Variants in KLF8 observed in about 807,000 individuals in gnomAD.
KLF8 encodes KLF transcription factor 8.
In KLF8, 10 loss-of-function variants were observed where a neutral mutation model predicts 18.2. That is an observed-to-expected ratio of 0.55 (90% CI 0.34 to 0.93). The LOEUF is 0.93. KLF8 is among the 40% of genes least tolerant of loss of function. The pLI is 0.02. For missense variants in KLF8, 264 were observed against 277.9 expected (o/e 0.95, Z 0.36); for synonymous variants, 109 against 97.3 (o/e 1.12, Z -0.71).
chrX:55,924,942 G>A, the KLF8 span, among the ~76,000 whole-genome samples: 1 of 86,020 alleles, frequency 1.2e-5, no homozygotes, highest in Non-Finnish European at 2.1e-5. Flanking sequence ...TGCAACCTCC[G>A]CCTCCCGGGT....
In KLF8 at chrX:56,265,582, A is replaced by G; in HGVS notation, c.484A>G (p.Thr162Ala). 8.3e-7 allele frequency: 1 copy of G among 1,211,726 alleles called. No homozygotes were observed. Among genetic ancestry groups the G allele is most frequent in the Non-Finnish European group, 1.1e-6 (1 of 895,447 alleles). Residue 162 changes from threonine (T) to alanine (A), a missense_variant, in exon 3 of 6, where the codon ACT becomes GCT. Physicochemically the swap from Thr to Ala is moderately conservative, Grantham distance 58 (BLOSUM62 0). This residue lies in a region of KLF8 where 221 missense variants were observed against 193.6 expected (regional missense o/e 1.14). Coordinates refer to ENST00000468660, the MANE Select transcript of KLF8 (RefSeq NM_007250.5). ...CCAGCAGATCTTACATGTCATTCAC[A>G]CTATCCCCTCAGTCAGTCTGCCAAA... Reference protein sequence around the residue: ...GSQQILHVIHTIPSVSLPNKM... With the variant: ...GSQQILHVIHAIPSVSLPNKM...
the KLF8 span, among the ~76,000 whole-genome samples, chrX:56,069,546 C>T: frequency 8.9e-5 from 10 of 112,206 alleles, no homozygotes; most frequent in African/African-American, 1.9e-4. Flanking sequence ...CCCACCCACC[C>T]CCACTGCTGG....
the KLF8 span, among the ~76,000 whole-genome samples, chrX:56,055,998 C>T: frequency 5.4e-5 from 6 of 111,163 alleles, no homozygotes; most frequent in South Asian, 3.7e-4. Context: ...TATATAGATT[C>T]GGTTTTGATG....
chrX:55,966,116 G>A, the KLF8 span, among the ~76,000 whole-genome samples: 1 of 112,485 alleles, frequency 8.9e-6, no homozygotes, highest in African/African-American at 3.2e-5. Context: ...CTTAGCTGCA[G>A]TAGAAAACAG....
chrX:56,117,044 G>A, the KLF8 span, among the ~76,000 whole-genome samples: 3 of 110,631 alleles, frequency 2.7e-5, no homozygotes, highest in Non-Finnish European at 3.8e-5. Context: ...GGGAGACTGA[G>A]ATGGGAGGAT....
At chrX:56,224,017 T>C in the KLF8 span, among the ~76,000 whole-genome samples, 1 of 111,200 alleles carries the variant, frequency 9.0e-6, no homozygotes, top group Non-Finnish European at 1.9e-5. Context: ...GCTATCCTCC[T>C]GCCTCTGCCT....
the KLF8 span, among the ~76,000 whole-genome samples, chrX:56,150,343 C>T: frequency 1.8e-5 from 2 of 111,548 alleles, no homozygotes; most frequent in African/African-American, 3.3e-5. Flanking sequence ...CTTAGCCCAC[C>T]ACAACCCACT....
At chrX:56,254,157 G>A (rs1468672277) in intron 2 of KLF8, among the ~76,000 whole-genome samples, 1 of 111,879 alleles carries the variant, frequency 8.9e-6, no homozygotes, top group African/African-American at 3.3e-5. Context: ...TATTGAATCT[G>A]TATTGTGTTT....
the KLF8 span, among the ~76,000 whole-genome samples, chrX:56,158,945 G>A: frequency 9.0e-6 from 1 of 111,591 alleles, no homozygotes; most frequent in Admixed American, 9.5e-5. Flanking sequence ...TGGTGAGAGA[G>A]GGCATCCCTG....
chrX:55,926,575 A>C, the KLF8 span, among the ~76,000 whole-genome samples: 1 of 111,087 alleles, frequency 9.0e-6, no homozygotes, highest in African/African-American at 3.3e-5. Context: ...GGAATATGAT[A>C]ATTTACTTTG....
the KLF8 span, among the ~76,000 whole-genome samples, chrX:56,164,727 CTCTT>C: frequency 1.8e-4 from 4 of 21,687 alleles, no homozygotes; most frequent in Non-Finnish European, 2.6e-4. Flanking sequence ...TTCTTGTTAT[CTCTT>C]TTTTTTTTTT....
chrX:56,087,264 T>G, the KLF8 span, among the ~76,000 whole-genome samples: 3 of 110,706 alleles, frequency 2.7e-5, no homozygotes, highest in Non-Finnish European at 5.7e-5. Flanking sequence ...CCCACCAAAT[T>G]TTATGTTGAA....
the KLF8 span, among the ~76,000 whole-genome samples, chrX:56,200,931 G>A: frequency 9.0e-6 from 1 of 111,646 alleles, no homozygotes; most frequent in Non-Finnish European, 1.9e-5. Flanking sequence ...CATCACAAGT[G>A]TTAGGATGGC....
At chrX:56,153,967 A>C in the KLF8 span, among the ~76,000 whole-genome samples, 1 of 111,529 alleles carries the variant, frequency 9.0e-6, no homozygotes, top group African/African-American at 3.3e-5. Context: ...CATGCTCATG[A>C]GTAGGAAGAA....
chrX:56,242,330 T>C (rs2066557649), intron 1 of KLF8, among the ~76,000 whole-genome samples: 1 of 112,312 alleles, frequency 8.9e-6, no homozygotes, highest in Admixed American at 9.5e-5. Flanking sequence ...ATATCAAAAA[T>C]CATACATAAG....
At chrX:55,935,880 T>TATAAGGCTTAAAAATATA in the KLF8 span, among the ~76,000 whole-genome samples, 1 of 111,848 alleles carries the variant, frequency 8.9e-6, no homozygotes, top group Non-Finnish European at 1.9e-5. Context: ...AACCACCAAA[T>TATAAGGCTTAAAAATATA]TCACGATAGT....
the KLF8 span, among the ~76,000 whole-genome samples, chrX:56,043,615 G>A: frequency 9.0e-6 from 1 of 111,693 alleles, no homozygotes. Flanking sequence ...TTCTGTGATT[G>A]ATACTTGTGA....
chrX:55,946,797 A>G, the KLF8 span, among the ~76,000 whole-genome samples: 1 of 109,565 alleles, frequency 9.1e-6, no homozygotes, highest in South Asian at 3.8e-4. Context: ...CAAGAAAAAA[A>G]CAAACAACCC....
At chrX:55,916,654 C>T in the KLF8 span, among the ~76,000 whole-genome samples, 1 of 111,307 alleles carries the variant, frequency 9.0e-6, no homozygotes, top group Non-Finnish European at 1.9e-5. Context: ...TGTGCCCAGG[C>T]CTAGAGAATT....
Sources: gnomAD v4.1 joint callset for allele counts (sites outside exome capture counted in the v4.1 genomes callset) on GRCh38, gnomAD v4.1.1 for gene constraint, gnomAD v4.1.1 regional missense constraint, MANE v1.5 for transcripts, NCBI Gene and HGNC (gene_info 2026-07-23, HGNC 2026-07-21) for gene names.